Variants in JAK1 observed in about 807,000 individuals in gnomAD.
JAK1 encodes the protein tyrosine-protein kinase JAK1.
In JAK1, 16 loss-of-function variants were observed where a neutral mutation model predicts 136.6. That is an observed-to-expected ratio of 0.12 (90% CI 0.08 to 0.18). The LOEUF (loss-of-function observed/expected upper bound fraction) is 0.18, where lower values mean the gene tolerates loss of function less well. Among genes scored for constraint, JAK1 ranks in the 10% least tolerant of loss-of-function variants. JAK1 has a pLI of 1.00. For synonymous variants in JAK1, 492 were observed against 519.5 expected, an observed-to-expected ratio of 0.95 and a Z score of 0.72; for missense variants, 859 against 1,450.1, an observed-to-expected ratio of 0.59 and a Z score of 6.62.
chr1:64,957,341 A>G (rs140697909), intron 1 of JAK1, among the ~76,000 whole-genome samples: 4,217 of 152,308 alleles, frequency 0.028, 73 homozygotes, highest in Middle Eastern at 0.054. Flanking sequence ...AAAGCACATA[A>G]GGCCCTGCTT....
intron 2 of JAK1, among the ~76,000 whole-genome samples, chr1:65,024,932 G>A (rs912991517): frequency 2.1e-4 from 32 of 152,160 alleles, no homozygotes; most frequent in African/African-American, 7.0e-4. Flanking sequence ...AGCCGAGATC[G>A]TGCCATTGCA....
At chr1:64,927,221 C>A (rs1645598030) in intron 1 of JAK1, among the ~76,000 whole-genome samples, 1 of 152,176 alleles carries the variant, frequency 6.6e-6, no homozygotes, top group Admixed American at 6.5e-5. Flanking sequence ...TCCCCTCCCC[C>A]CACTCCCCAG....
chr1:65,048,645 A>G (rs780038504), intron 1 of JAK1, among the ~76,000 whole-genome samples: 31 of 152,198 alleles, frequency 2.0e-4, no homozygotes, highest in Non-Finnish European at 4.3e-4. Context: ...TTCTTCGTAT[A>G]AATCTGAGAG....
At chr1:64,944,221 CAAAAAAA>C in intron 1 of JAK1, among the ~76,000 whole-genome samples, 1 of 63,398 alleles carries the variant, frequency 1.6e-5, no homozygotes, top group Non-Finnish European at 3.3e-5. Flanking sequence ...GACTCTGTCT[CAAAAAAA>C]AAAAAAAAAA....
At chr1:65,019,307 A>T (rs559556873) in intron 2 of JAK1, among the ~76,000 whole-genome samples, 6 of 152,296 alleles carry the variant, frequency 3.9e-5, no homozygotes, top group Non-Finnish European at 5.9e-5. Flanking sequence ...AAAATCTGAA[A>T]CAATATATTA....
chr1:64,868,615 A>G (rs962546478), intron 6 of JAK1, among the ~76,000 whole-genome samples: 2 of 152,196 alleles, frequency 1.3e-5, no homozygotes, highest in African/African-American at 4.8e-5. Context: ...GGTCAAGCGC[A>G]AGGAGAAACA....
At chr1:64,868,679 G>A (rs1388688482) in intron 6 of JAK1, among the ~76,000 whole-genome samples, 12 of 152,080 alleles carry the variant, frequency 7.9e-5, no homozygotes, top group Admixed American at 7.2e-4. Flanking sequence ...ATGCAGCTAC[G>A]AAATCCCTTC....
intron 2 of JAK1, chr1:65,003,728 CT>C (rs1198823026): frequency 1.4e-5 from 2 of 143,420 alleles, no homozygotes; most frequent in Non-Finnish European, 3.0e-5. Context: ...GCGTTTTCCC[CT>C]CTTTATGAAA....
chr1:65,055,110 G>C (rs887117635), intron 1 of JAK1, among the ~76,000 whole-genome samples: 1 of 151,726 alleles, frequency 6.6e-6, no homozygotes, highest in African/African-American at 2.4e-5. Flanking sequence ...TCCATCTCCA[G>C]AATTTTTTCA....
intron 1 of JAK1, among the ~76,000 whole-genome samples, chr1:64,962,366 A>C (rs1307484657): frequency 6.6e-6 from 1 of 152,250 alleles, no homozygotes; most frequent in Middle Eastern, 3.2e-3. Context: ...CTTAAAAGAA[A>C]TTATCCTTTT....
At chr1:65,067,551 T>TCGGCCCCGCGCGCC (rs1553186880) in intron 1 of JAK1, 1 of 140,964 alleles carries the variant, frequency 7.1e-6, no homozygotes, top group Non-Finnish European at 1.6e-5. Flanking sequence ...CCGCGGGCGC[T>TCGGCCCCGCGCGCC]CGGCCCCGCG....
At chr1:65,045,170 A>G (rs2100844491) in intron 1 of JAK1, among the ~76,000 whole-genome samples, 1 of 152,292 alleles carries the variant, frequency 6.6e-6, no homozygotes, top group Non-Finnish European at 1.5e-5. Context: ...ACAGCTGGGG[A>G]GGAAGAAGGC....
At chr1:64,865,310 A>G (rs1656629535) in intron 7 of JAK1, among the ~76,000 whole-genome samples, 1 of 152,208 alleles carries the variant, frequency 6.6e-6, no homozygotes, top group African/African-American at 2.4e-5. Flanking sequence ...AGACTACTAC[A>G]CATGCTCTGA....
At chr1:64,895,231 CAT>C (rs763459276) in intron 1 of JAK1, among the ~76,000 whole-genome samples, 31 of 152,184 alleles carry the variant, frequency 2.0e-4, no homozygotes, top group Non-Finnish European at 3.5e-4. Context: ...TTGTAGTACA[CAT>C]GTGTGTATAT....
chr1:64,936,935 A>C (rs2100489691), intron 1 of JAK1, among the ~76,000 whole-genome samples: 1 of 152,206 alleles, frequency 6.6e-6, no homozygotes, highest in African/African-American at 2.4e-5. Flanking sequence ...TATATTAATA[A>C]ATCAAATATA....
chr1:64,969,663 T>C (rs1203709848), upstream of JAK1, among the ~76,000 whole-genome samples: 1 of 151,960 alleles, frequency 6.6e-6, no homozygotes, highest in East Asian at 1.9e-4. Context: ...CCTGAGGAGA[T>C]AGAATGGACA....
At chr1:64,982,123 C>T (rs1040702958) in intron 2 of JAK1, among the ~76,000 whole-genome samples, 21 of 109,752 alleles carry the variant, frequency 1.9e-4, no homozygotes, top group Admixed American at 6.2e-4. Context: ...CGCACACACA[C>T]GCACACACAC....
At chr1:64,996,316 C>G (rs1317643258) in intron 2 of JAK1, among the ~76,000 whole-genome samples, 1 of 152,148 alleles carries the variant, frequency 6.6e-6, no homozygotes, top group Non-Finnish European at 1.5e-5. Flanking sequence ...TTTCTAGTTG[C>G]TCTTCTTTAA....
chr1:64,872,321 G>A (rs1427233023), intron 5 of JAK1, among the ~76,000 whole-genome samples: 1 of 152,120 alleles, frequency 6.6e-6, no homozygotes, highest in Non-Finnish European at 1.5e-5. Flanking sequence ...ACTCTACATG[G>A]AAGAAATAGT....
Sources: allele counts gnomAD v4.1 joint callset (sites outside exome capture counted in the v4.1 genomes callset), GRCh38; gene constraint gnomAD v4.1.1; transcripts MANE v1.5; gene names NCBI Gene and HGNC (gene_info 2026-07-23, HGNC 2026-07-21).